Variants in EXOC6B observed in about 807,000 individuals in gnomAD.
EXOC6B encodes the protein exocyst complex component 6B, also known as SEC15 homolog B.
In EXOC6B, 54 loss-of-function variants were observed where a neutral mutation model predicts 113.5. That is an observed-to-expected ratio of 0.48 (90% CI 0.38 to 0.60). EXOC6B has a LOEUF of 0.60. EXOC6B is among the 20% of genes least tolerant of loss of function. The pLI, the probability that EXOC6B is intolerant of heterozygous loss-of-function variation, is 0.00. For synonymous variants in EXOC6B, 357 were observed against 339.0 expected, an observed-to-expected ratio of 1.05 and a Z score of -0.58; for missense variants, 797 against 977.5, an observed-to-expected ratio of 0.82 and a Z score of 2.46.
chr2:72,568,547 G>A lies in EXOC6B; in HGVS notation c.846+6945C>T, dbSNP rs193230521. On this transcript the variant is annotated intron_variant, in intron 7 of 21. Transcript: ENST00000272427. Reference sequence around the variant, plus strand: ...AAGAAACATACACATACACACACACGCACGCACGCACACACCTATTCTTTC... The same window carrying A: ...AAGAAACATACACATACACACACACACACGCACGCACACACCTATTCTTTC... Among the ~76,000 whole-genome samples the A allele has an allele frequency of 4.6e-5, 7 of 151,628 alleles. No individual in the cohort carries two copies. The East Asian group carries it at 5.8e-4, about 13-fold the overall frequency.
At chr2:72,668,306 A>G (rs1675540842) in intron 6 of EXOC6B, among the ~76,000 whole-genome samples, 1 of 152,200 alleles carries the variant, frequency 6.6e-6, no homozygotes, top group South Asian at 2.1e-4. Context: ...ACATTTATAC[A>G]CTATAGGTGG....
chr2:72,588,527 G>A (rs918676338), intron 6 of EXOC6B, among the ~76,000 whole-genome samples: 7 of 151,972 alleles, frequency 4.6e-5, no homozygotes, highest in African/African-American at 1.7e-4. Context: ...CTGGGAGCAA[G>A]GGAATATGGG....
chr2:72,224,798 C>G (rs1430009758), intron 20 of EXOC6B, among the ~76,000 whole-genome samples: 1 of 144,344 alleles, frequency 6.9e-6, no homozygotes, highest in African/African-American at 2.6e-5. Context: ...TCCAGCTAAT[C>G]TGTGTGTGTG....
intron 19 of EXOC6B, among the ~76,000 whole-genome samples, chr2:72,360,531 G>T (rs1048792400): frequency 2.0e-5 from 3 of 152,128 alleles, no homozygotes; most frequent in Admixed American, 2.0e-4. Context: ...AGCTATGGAG[G>T]ACTAGTGTCT....
At chr2:72,661,592 G>A (rs1029195570) in intron 6 of EXOC6B, among the ~76,000 whole-genome samples, 6 of 151,912 alleles carry the variant, frequency 3.9e-5, no homozygotes, top group African/African-American at 9.7e-5. Flanking sequence ...TAAAAACTAC[G>A]AAATGCTAAT....
At chr2:72,814,746 C>T (rs1337131642) in intron 1 of EXOC6B, among the ~76,000 whole-genome samples, 3 of 152,034 alleles carry the variant, frequency 2.0e-5, no homozygotes, top group Admixed American at 6.6e-5. Context: ...AATCCCAGCA[C>T]TTTGGGAGGC....
intron 20 of EXOC6B, among the ~76,000 whole-genome samples, chr2:72,222,389 G>GTATA (rs1680934006): frequency 6.6e-6 from 1 of 152,186 alleles, no homozygotes; most frequent in African/African-American, 2.4e-5. Context: ...ACAAGAACAA[G>GTATA]TATATAATGA....
intron 16 of EXOC6B, among the ~76,000 whole-genome samples, chr2:72,491,342 A>G (rs1042007553): frequency 9.9e-5 from 15 of 152,180 alleles, no homozygotes; most frequent in African/African-American, 3.4e-4. Flanking sequence ...AATCAGAAGT[A>G]AATGCCCACC....
intron 20 of EXOC6B, among the ~76,000 whole-genome samples, chr2:72,198,888 G>A (rs1206722419): frequency 6.6e-6 from 1 of 152,156 alleles, no homozygotes; most frequent in Non-Finnish European, 1.5e-5. Flanking sequence ...GTCCAAAGTG[G>A]GGACCATATT....
rs200849848 is a variant in EXOC6B at position 72,819,594 on chromosome 2, C to CA, written c.113+6203dup. ...GATATGTGGGACCAGGAAAAGGAAA[C>CA]AAAAAAAATAGGCTAACCACTAAAC... is the stretch of plus-strand genomic sequence containing the variant. On this transcript the variant is annotated intron_variant, in intron 1 of 21. Transcript: ENST00000272427. Among the ~76,000 whole-genome samples the CA allele has an allele frequency of 5.1e-3, 776 of 151,354 alleles. 22 individuals are homozygous for CA. Among genetic ancestry groups the CA allele is most frequent in the Admixed American group, 0.045 (688 of 15,224 alleles).
At chr2:72,796,155 A>G (rs1056094535) in intron 1 of EXOC6B, among the ~76,000 whole-genome samples, 3 of 150,980 alleles carry the variant, frequency 2.0e-5, no homozygotes, top group African/African-American at 7.3e-5. Context: ...AGAGGAAGAC[A>G]AAAGAAACTC....
intron 20 of EXOC6B, among the ~76,000 whole-genome samples, chr2:72,270,307 C>A (rs2104624017): frequency 6.6e-6 from 1 of 152,182 alleles, no homozygotes; most frequent in African/African-American, 2.4e-5. Context: ...TAGGAGTGGT[C>A]TCAGGGGATC....
chr2:72,509,440 T>C (rs934664435), intron 11 of EXOC6B, among the ~76,000 whole-genome samples: 1 of 152,128 alleles, frequency 6.6e-6, no homozygotes, highest in Non-Finnish European at 1.5e-5. Flanking sequence ...TCATACCCTA[T>C]GCTAAAATAA....
intron 18 of EXOC6B, among the ~76,000 whole-genome samples, chr2:72,460,772 A>G (rs1250473694): frequency 6.6e-6 from 1 of 152,094 alleles, no homozygotes. Flanking sequence ...ACTGTAAACT[A>G]GTTCAACCAT....
At chr2:72,691,698 T>G (rs1196007402) in intron 6 of EXOC6B, among the ~76,000 whole-genome samples, 1 of 151,116 alleles carries the variant, frequency 6.6e-6, no homozygotes, top group Non-Finnish European at 1.5e-5. Context: ...TTTTTTTTTT[T>G]GAGATGGAGT....
chr2:72,386,752 G>T (rs758698806), intron 18 of EXOC6B, among the ~76,000 whole-genome samples: 15 of 152,090 alleles, frequency 9.9e-5, no homozygotes, highest in Non-Finnish European at 1.6e-4. Context: ...GAGAAAATAC[G>T]GGAAACTATG....
intron 6 of EXOC6B, among the ~76,000 whole-genome samples, chr2:72,578,131 T>C (rs1704989245): frequency 6.6e-6 from 1 of 152,076 alleles, no homozygotes; most frequent in Admixed American, 6.6e-5. Flanking sequence ...CTATTACTAA[T>C]GTGTGTTCCA....
At position 72,483,532 on chromosome 2, in the gene EXOC6B, T is replaced by C. The variant is rs575733645; in HGVS notation, c.1666-2782A>G. On this transcript the variant is annotated intron_variant, in intron 16 of 21. Coordinates refer to ENST00000272427, the MANE Select transcript of EXOC6B (RefSeq NM_015189.3). ...TTTCCCATGACTTTTTAAAGATCTG[T>C]CAACACAAAAGATCACTGTGAATTA... 2.4e-4 allele frequency among the ~76,000 whole-genome samples: 36 copies of C among 152,318 alleles called. 1 individual carries two copies. Among genetic ancestry groups the C allele is most frequent in the African/African-American group, 5.1e-4 (21 of 41,578 alleles).
At chr2:72,801,778 T>C (rs992574463) in intron 1 of EXOC6B, among the ~76,000 whole-genome samples, 1 of 152,216 alleles carries the variant, frequency 6.6e-6, no homozygotes, top group African/African-American at 2.4e-5. Context: ...AGAAGAGTCA[T>C]TGACTGTCTT....
Sources: gnomAD v4.1 joint callset for allele counts (sites outside exome capture counted in the v4.1 genomes callset) on GRCh38, gnomAD v4.1.1 for gene constraint, MANE v1.5 for transcripts, NCBI Gene and HGNC (gene_info 2026-07-23, HGNC 2026-07-21) for gene names.